Variants in COL8A1 observed in about 807,000 individuals in gnomAD.
The protein encoded by COL8A1 is collagen type VIII alpha 1 chain.
COL8A1 carries 21 observed loss-of-function variants against 42.7 expected under a neutral mutation model. The observed-to-expected ratio is 0.49, with a 90% CI of 0.35 to 0.71. The LOEUF (loss-of-function observed/expected upper bound fraction) is 0.71, where lower values mean the gene tolerates loss of function less well. Among genes scored for constraint, COL8A1 ranks in the 30% least tolerant of loss-of-function variants. The pLI, the probability that COL8A1 is intolerant of heterozygous loss-of-function variation, is 0.01. For missense variants in COL8A1, 788 were observed against 962.4 expected, an observed-to-expected ratio of 0.82 and a Z score of 2.40; for synonymous variants, 367 against 369.1, an observed-to-expected ratio of 0.99 and a Z score of 0.06.
rs188167657 is a variant in COL8A1, at chr3:99,739,301, C to T, written c.-128-5596C>T. ...TGAGTATCTGTGGCTTTTCCAGGTG[C>T]ACAATGCAAGCTGTCGGTGGATCTA... is the stretch of plus-strand genomic sequence containing the variant. On this transcript the variant is annotated intron_variant, in intron 1 of 3. Transcript: ENST00000652472. Among the ~76,000 whole-genome samples the T allele has an allele frequency of 2.0e-4, 31 of 152,292 alleles. No individual in the cohort carries two copies. The East Asian group carries it at 5.4e-3, about 27-fold the overall frequency.
At chr3:99,645,102 A>G (rs1023175255) in intron 1 of COL8A1, among the ~76,000 whole-genome samples, 5 of 152,178 alleles carry the variant, frequency 3.3e-5, no homozygotes, top group Non-Finnish European at 5.9e-5. Flanking sequence ...CCAACATCCC[A>G]TTTAGGATCT....
At chr3:99,686,711 G>A (rs1939063330) in intron 1 of COL8A1, among the ~76,000 whole-genome samples, 1 of 152,218 alleles carries the variant, frequency 6.6e-6, no homozygotes, top group African/African-American at 2.4e-5. Flanking sequence ...TTTTAAGACA[G>A]GGCCTCACTC....
At chr3:99,659,229 G>T (rs959638162) in intron 1 of COL8A1, among the ~76,000 whole-genome samples, 1 of 152,190 alleles carries the variant, frequency 6.6e-6, no homozygotes, top group Admixed American at 6.5e-5. Context: ...CGCCTAGCTG[G>T]CTCGTGGTTG....
chr3:99,681,213 T>C (rs1299086729), intron 1 of COL8A1, among the ~76,000 whole-genome samples: 14 of 152,092 alleles, frequency 9.2e-5, no homozygotes. Flanking sequence ...ACCTACAGAA[T>C]GGGAGAAAAT....
At chr3:99,683,650 A>G (rs1938959146) in intron 1 of COL8A1, among the ~76,000 whole-genome samples, 2 of 151,892 alleles carry the variant, frequency 1.3e-5, no homozygotes, top group Admixed American at 1.3e-4. Context: ...AAGCAGGTGG[A>G]TAGGACCACA....
chr3:99,790,599 T>A, intron 2 of COL8A1, 81 bp from the exon 3 acceptor site: 1 of 1,119,986 alleles, frequency 8.9e-7, no homozygotes, highest in East Asian at 2.5e-5. Context: ...CCCTTTTTTT[T>A]CCCCATTCTA....
At chr3:99,694,549 C>T (rs997024303) in intron 1 of COL8A1, among the ~76,000 whole-genome samples, 3 of 152,094 alleles carry the variant, frequency 2.0e-5, no homozygotes, top group Admixed American at 6.5e-5. Flanking sequence ...TTTCTCCTCC[C>T]TCATAGCATT....
intron 1 of COL8A1, among the ~76,000 whole-genome samples, chr3:99,644,853 G>A (rs1403185915): frequency 6.6e-6 from 1 of 152,192 alleles, no homozygotes; most frequent in Non-Finnish European, 1.5e-5. Context: ...GAAATAACAT[G>A]TATCTAGCCT....
At chr3:99,703,304 C>G (rs1939592719) in intron 1 of COL8A1, 1 of 152,166 alleles carries the variant, frequency 6.6e-6, no homozygotes, top group Non-Finnish European at 1.5e-5. Flanking sequence ...TCCCATTTTA[C>G]AGATGACAAA....
intron 1 of COL8A1, among the ~76,000 whole-genome samples, chr3:99,653,518 C>T (rs1051737371): frequency 1.3e-5 from 2 of 151,838 alleles, no homozygotes; most frequent in African/African-American, 4.8e-5. Context: ...GTCCAGTTCA[C>T]GGGCATCTCT....
intron 1 of COL8A1, among the ~76,000 whole-genome samples, chr3:99,714,002 G>A (rs1286348495): frequency 1.3e-5 from 2 of 152,004 alleles, no homozygotes; most frequent in Non-Finnish European, 2.9e-5. Flanking sequence ...GTATCTCCAG[G>A]TTAACACTTA....
chr3:99,785,750 G>A (rs998987313), intron 2 of COL8A1, among the ~76,000 whole-genome samples: 3 of 152,152 alleles, frequency 2.0e-5, no homozygotes, highest in African/African-American at 7.2e-5. Flanking sequence ...ACGCAGGGAG[G>A]TGACTGCCAT....
rs977288232 is a variant in COL8A1, at chr3:99,799,079, T to C, written c.*2943T>C. On this transcript the variant is annotated 3_prime_UTR_variant, in exon 4 of 4. Coordinates refer to ENST00000652472, the MANE Select transcript of COL8A1 (RefSeq NM_020351.4). ...TGGGTGACTGTTATCAAATATTTTATAGAATACAATGAACGGTGAACAGAC... is the reference window on the plus strand; with the variant it reads ...TGGGTGACTGTTATCAAATATTTTACAGAATACAATGAACGGTGAACAGAC... 2 of 152,238 alleles carry C rather than the reference T, an allele frequency of 1.3e-5. No homozygotes were observed. The highest frequency in any genetic ancestry group is 2.4e-5 in the African/African-American group (1 of 41,468). 9.4% of individuals were successfully genotyped at this position (152,238 alleles called of 1,614,324 possible). A position where few individuals can be genotyped will look rare whatever the true frequency, so the allele number is the denominator to read the frequency against.
chr3:99,645,666 T>C (rs1225997359), intron 1 of COL8A1, among the ~76,000 whole-genome samples: 1 of 151,304 alleles, frequency 6.6e-6, no homozygotes, highest in African/African-American at 2.4e-5. Context: ...TGTATGCCAT[T>C]GTAGTAGATC....
intron 1 of COL8A1, chr3:99,677,937 G>GAGAAA (rs984624093): frequency 1.3e-5 from 2 of 152,160 alleles, no homozygotes; most frequent in African/African-American, 4.8e-5. Context: ...TTGTGACTGT[G>GAGAAA]AGAAAAGAAA....
At chr3:99,781,438 T>G (rs1314188948) in intron 2 of COL8A1, among the ~76,000 whole-genome samples, 1 of 152,190 alleles carries the variant, frequency 6.6e-6, no homozygotes, top group Non-Finnish European at 1.5e-5. Context: ...ACTTTTAATA[T>G]CAAGTCATTC....
intron 2 of COL8A1, among the ~76,000 whole-genome samples, chr3:99,782,113 A>G (rs955458026): frequency 1.3e-5 from 2 of 151,990 alleles, no homozygotes; most frequent in African/African-American, 4.8e-5. Flanking sequence ...TTTGTATTCA[A>G]CCTTTGAATG....
intron 1 of COL8A1, among the ~76,000 whole-genome samples, chr3:99,701,912 T>A (rs1939551374): frequency 6.6e-6 from 1 of 152,208 alleles, no homozygotes; most frequent in African/African-American, 2.4e-5. Context: ...AATTAGAAAG[T>A]ACTTTGATAT....
intron 1 of COL8A1, among the ~76,000 whole-genome samples, chr3:99,725,046 CAG>C (rs2107374449): frequency 6.6e-6 from 1 of 152,164 alleles, no homozygotes; most frequent in South Asian, 2.1e-4. Flanking sequence ...ATACTTGACA[CAG>C]AGCCTGGCAT....
Sources: allele counts gnomAD v4.1 joint callset (sites outside exome capture counted in the v4.1 genomes callset), GRCh38; gene constraint gnomAD v4.1.1; transcripts MANE v1.5; gene names NCBI Gene and HGNC (gene_info 2026-07-23, HGNC 2026-07-21).